Variants in AUTS2 observed in about 807,000 individuals in gnomAD.
AUTS2 encodes activator of transcription and developmental regulator AUTS2.
In AUTS2, 17 loss-of-function variants were observed where a neutral mutation model predicts 112.4. The ratio of observed to expected loss-of-function variants is 0.15; its 90% CI spans 0.10 to 0.23. The LOEUF (loss-of-function observed/expected upper bound fraction) is 0.23. AUTS2 is among the 10% of genes least tolerant of loss of function. AUTS2 has a pLI of 1.00. For synonymous variants in AUTS2, 751 were observed against 702.7 expected, an observed-to-expected ratio of 1.07 and a Z score of -1.09; for missense variants, 1,510 against 1,701.6, an observed-to-expected ratio of 0.89 and a Z score of 1.98.
intron 6 of AUTS2, among the ~76,000 whole-genome samples, chr7:70,744,954 G>A (rs1788356179): frequency 1.3e-5 from 2 of 151,958 alleles, no homozygotes; most frequent in African/African-American, 2.4e-5. Flanking sequence ...TTTCATCATC[G>A]CCCCTCCAGT....
At position 70,779,157 on chromosome 7, in the gene AUTS2, T is replaced by A. The variant is rs1229023882; in HGVS notation, c.2004+1983T>A. On this transcript the variant is annotated intron_variant, in intron 14 of 18. Coordinates refer to ENST00000342771, the MANE Select transcript of AUTS2 (RefSeq NM_015570.4). ...AATTTGGCCACCAAATTAAAGGAGG[T>A]ATTCAAAAGAATTTTATAGATTCAT... Among the ~76,000 whole-genome samples, 7 of 152,158 alleles carry A rather than the reference T, an allele frequency of 4.6e-5. No homozygotes were observed. The East Asian group carries it at 1.4e-3, about 29-fold the overall frequency.
chr7:70,348,480 A>C (rs1791596808), intron 4 of AUTS2, among the ~76,000 whole-genome samples: 1 of 152,120 alleles, frequency 6.6e-6, no homozygotes, highest in African/African-American at 2.4e-5. Flanking sequence ...AGTTTCTCAC[A>C]ATTCAGTGCT....
intron 5 of AUTS2, among the ~76,000 whole-genome samples, chr7:70,691,994 C>T (rs1198294273): frequency 6.6e-6 from 1 of 151,350 alleles, no homozygotes; most frequent in Non-Finnish European, 1.5e-5. Context: ...GATTCTCCTG[C>T]CTCAGCCTCC....
At chr7:69,971,346 GTAT>G (rs1451333752) in intron 2 of AUTS2, among the ~76,000 whole-genome samples, 2 of 152,142 alleles carry the variant, frequency 1.3e-5, no homozygotes, top group Non-Finnish European at 2.9e-5. Context: ...TAAATGAGGA[GTAT>G]TATCACCTAA....
chr7:70,451,693 G>A (rs1305803791), intron 5 of AUTS2, among the ~76,000 whole-genome samples: 1 of 152,168 alleles, frequency 6.6e-6, no homozygotes, highest in Non-Finnish European at 1.5e-5. Context: ...TTTGAAACGG[G>A]ATGAACTGAA....
intron 1 of AUTS2, among the ~76,000 whole-genome samples, chr7:69,825,261 C>A (rs982221677): frequency 1.3e-5 from 2 of 152,292 alleles, no homozygotes; most frequent in South Asian, 2.1e-4. Flanking sequence ...CAATGGTTCT[C>A]AACCCTGGGG....
intron 2 of AUTS2, among the ~76,000 whole-genome samples, chr7:70,033,630 G>C (rs541286598): frequency 6.6e-6 from 1 of 152,308 alleles, no homozygotes; most frequent in South Asian, 2.1e-4. Flanking sequence ...GTTATTTGTA[G>C]TTAGAAGTGT....
chr7:70,174,376 C>G (rs999016229), intron 4 of AUTS2, among the ~76,000 whole-genome samples: 21 of 152,216 alleles, frequency 1.4e-4, no homozygotes, highest in Non-Finnish European at 2.5e-4. Flanking sequence ...GGAACTATCT[C>G]TAGAACAGAA....
chr7:69,885,778 T>G (rs555334074), intron 1 of AUTS2, among the ~76,000 whole-genome samples: 2 of 152,324 alleles, frequency 1.3e-5, no homozygotes, highest in African/African-American at 4.8e-5. Flanking sequence ...GTGATTATTT[T>G]AAAAGATACT....
At chr7:70,168,202 G>T (rs778734812) in intron 4 of AUTS2, among the ~76,000 whole-genome samples, 1 of 152,172 alleles carries the variant, frequency 6.6e-6, no homozygotes, top group African/African-American at 2.4e-5. Context: ...TGAACTCGTT[G>T]ATCTTCAGAT....
chr7:70,742,211 T>C (rs533180083), intron 6 of AUTS2, among the ~76,000 whole-genome samples: 1 of 152,280 alleles, frequency 6.6e-6, no homozygotes, highest in African/African-American at 2.4e-5. Context: ...TTCTTAAAGA[T>C]TGGCTTATTT....
intron 1 of AUTS2, among the ~76,000 whole-genome samples, chr7:69,869,575 T>C (rs1221364114): frequency 6.6e-6 from 1 of 152,038 alleles, no homozygotes; most frequent in African/African-American, 2.4e-5. Context: ...GAAGAAGTTC[T>C]TGAAAAATAT....
intron 4 of AUTS2, among the ~76,000 whole-genome samples, chr7:70,204,995 A>G (rs1360130077): frequency 6.6e-6 from 1 of 152,166 alleles, no homozygotes; most frequent in East Asian, 1.9e-4. Flanking sequence ...ACTTTGGTTT[A>G]CCACTGAATT....
At chr7:70,609,012 T>G (rs536834700) in intron 5 of AUTS2, among the ~76,000 whole-genome samples, 1 of 152,372 alleles carries the variant, frequency 6.6e-6, no homozygotes, top group African/African-American at 2.4e-5. Flanking sequence ...TTCTAAAATG[T>G]GCATACATTG....
rs752211162 is a variant in AUTS2 at position 70,383,539 on chromosome 7, T to C, written c.661-52213T>C. ...TGCATTCATCATAGCTTCTATCTTA[T>C]GAGTAGCTAAAAGCAGAATCTGTTC... On this transcript the variant is annotated intron_variant, in intron 4 of 18. Transcript: ENST00000342771. Among the ~76,000 whole-genome samples the C allele has an allele frequency of 8.5e-5, 13 of 152,358 alleles. 1 individual carries two copies. The highest frequency in any genetic ancestry group is 6.8e-3 in the Middle Eastern group (2 of 294).
intron 5 of AUTS2, among the ~76,000 whole-genome samples, chr7:70,677,995 T>C (rs920482693): frequency 7.2e-5 from 11 of 152,126 alleles, no homozygotes; most frequent in Middle Eastern, 3.4e-3. Flanking sequence ...GGCAGGAGAA[T>C]GGCGTGAACC....
At chr7:70,101,799 A>G (rs187833117) in intron 2 of AUTS2, among the ~76,000 whole-genome samples, 31 of 152,324 alleles carry the variant, frequency 2.0e-4, no homozygotes, top group Admixed American at 1.7e-3. Flanking sequence ...AAAAAAAATC[A>G]TTCCACTAAA....
At chr7:69,832,788 C>A (rs942360157) in intron 1 of AUTS2, among the ~76,000 whole-genome samples, 1 of 152,178 alleles carries the variant, frequency 6.6e-6, no homozygotes, top group African/African-American at 2.4e-5. Context: ...CAAGCATACT[C>A]TTAGGTTTAT....
At chr7:70,491,459 GTT>G in intron 5 of AUTS2, among the ~76,000 whole-genome samples, 1 of 123,882 alleles carries the variant, frequency 8.1e-6, no homozygotes. Context: ...TAATATATAT[GTT>G]ATATATACAC....
Sources: gnomAD v4.1 joint callset for allele counts (sites outside exome capture counted in the v4.1 genomes callset) on GRCh38, gnomAD v4.1.1 for gene constraint, MANE v1.5 for transcripts, NCBI Gene and HGNC (gene_info 2026-07-23, HGNC 2026-07-21) for gene names.